The following NBEAL2 variants were observed in gnomAD, a reference collection of about 807,000 sequenced individuals.
NBEAL2 encodes the protein neurobeachin like 2.
A neutral mutation model predicts 299.8 loss-of-function variants in NBEAL2; 160 were observed. The ratio of observed to expected loss-of-function variants is 0.53; its 90% confidence interval spans 0.47 to 0.61. NBEAL2 has a LOEUF of 0.61. NBEAL2 is among the 20% of genes least tolerant of loss of function. The pLI is 0.00. For missense variants in NBEAL2, 3,112 were observed against 3,649.0 expected (o/e 0.85, Z 3.79); for synonymous variants, 1,493 against 1,542.3 (o/e 0.97, Z 0.75).
chr3:46,981,426 G>A (rs939260284), intron 1 of NBEAL2, among the ~76,000 whole-genome samples: 2 of 152,134 alleles, frequency 1.3e-5, no homozygotes, highest in South Asian at 4.2e-4. Context: ...TGGTGACAGA[G>A]TGAGACTCCG....
At position 47,004,437 on chromosome 3, in the gene NBEAL2, T is replaced by C; in HGVS notation, c.6198+44T>C. 6.3e-7 allele frequency: 1 copy of C among 1,596,946 alleles called. No individual in the cohort carries two copies. Among genetic ancestry groups the C allele is most frequent in the South Asian group, 1.1e-5 (1 of 89,000 alleles). On this transcript the variant is annotated intron_variant, in intron 37 of 53. Coordinates refer to ENST00000450053, the MANE Select transcript of NBEAL2 (RefSeq NM_015175.3). This position sits in a 1 kb window ranked among gnomAD's most constrained non-coding sequence, Gnocchi z 5.0. ...AGGGATGTGAAGTCGGGACCCTGAA[T>C]CACGGGGCAGTGCTGGACAGCCCAC...
chr3:46,989,481 G>T lies in NBEAL2; in HGVS notation c.474-30G>T. On this transcript the variant is annotated intron_variant, in intron 5 of 53. Transcript: ENST00000450053. The surrounding 1 kb of genome is among the most constrained non-coding windows in gnomAD (Gnocchi z 5.5). ...TGACGGCCAGGAGTGGTGAGAGCCG[G>T]GCTGATGTACTTGGCCTCACTGCCC... 1 of 1,573,974 alleles carries T rather than the reference G, an allele frequency of 6.4e-7. No homozygotes were observed.
chr3:46,998,624 G>A, intron 22 of NBEAL2, 59 bp downstream of exon 22: 1 of 1,572,456 alleles, frequency 6.4e-7, no homozygotes. Context: ...TCCGGCCTTG[G>A]GGACTGGGCG....
At position 47,006,419 on chromosome 3, in the gene NBEAL2, C is replaced by T. The variant is rs778226306; in HGVS notation, c.7104C>T (p.His2368=). ...CTAACTCACCTAGCATCTTCCAGCA[C>T]CTGGACGAACTCAAGGCATTCTTCG... ...LDTNSPSIFQ[H]LDELKAFFAE... The change falls in exon 45 of 54, where the codon CAC becomes CAT. Residue 2368 remains histidine, a synonymous_variant. Transcript: ENST00000450053. 6.3e-7 allele frequency: 1 copy of T among 1,590,980 alleles called. No homozygotes were observed. The highest frequency in any genetic ancestry group is 8.6e-7 in the Non-Finnish European group (1 of 1,168,610).
chr3:47,009,405 G>T lies in NBEAL2; in HGVS notation c.*85G>T. 1 of 1,315,908 alleles carries T rather than the reference G, an allele frequency of 7.6e-7. No homozygotes were observed. Among genetic ancestry groups the T allele is most frequent in the African/African-American group, 1.5e-5 (1 of 66,346 alleles). 81.5% of individuals were successfully genotyped at this position (1,315,908 alleles called of 1,614,324 possible). Reference sequence around the variant, plus strand: ...CCCAGAAGTCGGCGGGAACACCCCGGGGTGGGCAGCCCAGGGGGGTGAGCG... The same window carrying T: ...CCCAGAAGTCGGCGGGAACACCCCGTGGTGGGCAGCCCAGGGGGGTGAGCG... On this transcript the variant is annotated 3_prime_UTR_variant, in exon 54 of 54. Coordinates refer to ENST00000450053, the MANE Select transcript of NBEAL2 (RefSeq NM_015175.3).
At position 47,003,377 on chromosome 3, in the gene NBEAL2, C is replaced by G. The variant is rs1256698171; in HGVS notation, c.5720+68C>G. Reference sequence around the variant, plus strand: ...GGGGTCTGCTCCAGTGTGTGCATGCCTCTGTGGGATCAACTCCCTGAGTGT... The same window carrying G: ...GGGGTCTGCTCCAGTGTGTGCATGCGTCTGTGGGATCAACTCCCTGAGTGT... On this transcript the variant is annotated intron_variant, in intron 35 of 53. Coordinates refer to ENST00000450053, the MANE Select transcript of NBEAL2 (RefSeq NM_015175.3). The surrounding 1 kb of genome is among the most constrained non-coding windows in gnomAD (Gnocchi z 7.0). 12 of 1,557,688 alleles carry G rather than the reference C, an allele frequency of 7.7e-6. No homozygotes were observed. The Admixed American group carries it at 2.3e-4, about 29-fold the overall frequency.
At chr3:46,997,812 G>A in intron 20 of NBEAL2, 118 bp downstream of exon 20, 1 of 1,368,550 alleles carries the variant, frequency 7.3e-7, no homozygotes, top group Non-Finnish European at 9.6e-7. Flanking sequence ...TGCCACTTGA[G>A]TGGGGCCTGA....
rs188405767 is a variant in NBEAL2 at position 47,005,882 on chromosome 3, C to T, written c.6801+35C>T. On this transcript the variant is annotated intron_variant, in intron 42 of 53. Coordinates refer to ENST00000450053, the MANE Select transcript of NBEAL2 (RefSeq NM_015175.3). ...GAACCACAGGCAAACGGCAGGCAGC[C>T]GGGGTTCTGAAGATCATGGGGGGTC... 1.3e-4 allele frequency: 216 copies of T among 1,612,504 alleles called. 1 individual carries two copies. Among genetic ancestry groups the T allele is most frequent in the Admixed American group, 1.8e-4 (11 of 60,026 alleles).
Position 46,999,706 on chromosome 3 carries a change from C to A in NBEAL2, c.3780C>A (p.Ile1260=), listed in dbSNP as rs771042846. ...CTGACCTCAGCGTTCGCCTAGACAT[C>A]TGTCGCCAGGTGAGCATGAGAGGTA... The part of the protein sequence containing the change: ...LQADLSVRLD[I]CRQLFHLIYG... The change falls in exon 26 of 54, where the codon ATC becomes ATA. Residue 1260 remains isoleucine (I), a synonymous_variant. Transcript: ENST00000450053. 1.2e-6 allele frequency: 2 copies of A among 1,613,344 alleles called. No individual in the cohort carries two copies. The highest frequency in any genetic ancestry group is 1.7e-6 in the Non-Finnish European group (2 of 1,179,730).
rs576279015 is a variant in NBEAL2 at position 46,987,890 on chromosome 3, C to G, written c.52-779C>G. On this transcript the variant is annotated intron_variant, in intron 1 of 53. Transcript: ENST00000450053. ...GGGGCCCAGGGTGCCCCGGCCCCCC[C>G]ACATCCCTGCGGTCTGCCGGGAGGA... is the stretch of plus-strand genomic sequence containing the variant. 38 of 637,904 alleles carry G rather than the reference C, an allele frequency of 6.0e-5. No individual in the cohort carries two copies. In the Admixed American group the frequency reaches 6.3e-4, roughly 11 times the overall value. The allele number at this position is 637,904 out of a possible 1,614,324, so 39.5% of individuals were successfully genotyped here.
At position 46,999,096 on chromosome 3, in the gene NBEAL2, GCTGCCCGATCGAGT is replaced by G; in HGVS notation, c.3527_3540del (p.Pro1176GlnfsTer10). 6.3e-7 allele frequency: 1 copy of G among 1,585,586 alleles called. No homozygotes were observed. The highest frequency in any genetic ancestry group is 8.6e-7 in the Non-Finnish European group (1 of 1,166,454). Reference sequence around the variant, plus strand: ...TAGTGCGGCCAGGGTCACTGCCCCTGCTGCCCGATCGAGTCTGCAAGGTACACCCAGCCCACCCC... The same window carrying G: ...TAGTGCGGCCAGGGTCACTGCCCCTGCTGCAAGGTACACCCAGCCCACCCC... On this transcript the variant is annotated frameshift_variant, in exon 24 of 54. Coordinates refer to ENST00000450053, the MANE Select transcript of NBEAL2 (RefSeq NM_015175.3). LOFTEE classifies it high-confidence loss of function.
At position 46,999,907 on chromosome 3, in the gene NBEAL2, G is replaced by A. The variant is rs374613242; in HGVS notation, c.3808G>A (p.Gly1270Arg). Residue 1270 changes from glycine to arginine, a missense_variant, in exon 27 of 54, where the codon GGA becomes AGA. Physicochemically the swap from Gly to Arg is moderately radical, Grantham distance 125. This residue lies in a region of NBEAL2 where 2,243 missense variants were observed against 2,538.1 expected (regional missense o/e 0.88). Coordinates refer to ENST00000450053, the MANE Select transcript of NBEAL2 (RefSeq NM_015175.3). ...CCTGCAGCTTTTCCACCTCATCTACGGACAGCCAGATGTAGTGCGGCTTCT... is the reference window on the plus strand; with the variant it reads ...CCTGCAGCTTTTCCACCTCATCTACAGACAGCCAGATGTAGTGCGGCTTCT... Reference protein sequence around the residue: ...ICRQLFHLIYGQPDVVRLLAR... With the variant: ...ICRQLFHLIYRQPDVVRLLAR... 25 of 1,606,038 alleles carry A rather than the reference G, an allele frequency of 1.6e-5. No homozygotes were observed. The highest frequency in any genetic ancestry group is 2.2e-5 in the East Asian group (1 of 44,668).
At position 46,991,558 on chromosome 3, in the gene NBEAL2, C is replaced by T. The variant is rs756525483; in HGVS notation, c.795C>T (p.Arg265=). 32 of 1,604,744 alleles carry T rather than the reference C, an allele frequency of 2.0e-5. No individual in the cohort carries two copies. The highest frequency in any genetic ancestry group is 2.3e-5 in the Non-Finnish European group (27 of 1,179,850). Residue 265 remains arginine, a synonymous_variant, in exon 8 of 54, where the codon CGC becomes CGT. Coordinates refer to ENST00000450053, the MANE Select transcript of NBEAL2 (RefSeq NM_015175.3). The surrounding 1 kb of genome is among the most constrained non-coding windows in gnomAD (Gnocchi z 6.2). ...CAGTCCATGTCTTGCATGCCAGCCG[C>T]GCACCTCCTCGTGGCCCAGAGCTTC... The part of the protein sequence containing the change: ...VGAVHVLHAS[R]APPRGPELRA...
rs539435014 is a variant in NBEAL2 at position 47,001,610 on chromosome 3, C to G, written c.4645-79C>G. ...CACAAACCCTACCTGGCCCCCAGCG[C>G]AAACTTTACTTTGCTCCCTTTCCAT... On this transcript the variant is annotated intron_variant, in intron 29 of 53. Transcript: ENST00000450053. This position sits in a 1 kb window ranked among gnomAD's most constrained non-coding sequence, Gnocchi z 6.1. 6.3e-7 allele frequency: 1 copy of G among 1,588,434 alleles called. No individual in the cohort carries two copies. The highest frequency in any genetic ancestry group is 1.3e-5 in the African/African-American group (1 of 74,636).
chr3:47,008,424 G>A lies in NBEAL2; in HGVS notation c.7861G>A (p.Glu2621Lys). Residue 2621 changes from glutamate to lysine, a missense_variant, in exon 51 of 54, where the codon GAA becomes AAA. Physicochemically the swap from Glu to Lys is moderately conservative, Grantham distance 56. Coordinates refer to ENST00000450053, the MANE Select transcript of NBEAL2 (RefSeq NM_015175.3). ...GATTGTGGTACAGAGCTCAGCGTGG[G>A]AACGTCCTGGGGCCCAGGTATGGGG... The part of the protein sequence containing the change: ...GQIVVQSSAW[E>K]RPGAQVTYSL... 6.2e-7 allele frequency: 1 copy of A among 1,613,142 alleles called. No homozygotes were observed. The highest frequency in any genetic ancestry group is 2.2e-5 in the East Asian group (1 of 44,866).
chr3:46,989,310 G>A lies in NBEAL2; in HGVS notation c.402G>A (p.Val134=), dbSNP rs375491925. ...PQGRGTQLEN[V]ALHALLLCEG... is the part of the protein sequence containing the mutation. ...GCCGAGGCACGCAGTTGGAGAATGT[G>A]GCCCTACATGCTCTGCTTCTCTGCG... Residue 134 remains valine (V), a synonymous_variant, in exon 5 of 54, where the codon GTG becomes GTA. Transcript: ENST00000450053. This position sits in a 1 kb window ranked among gnomAD's most constrained non-coding sequence, Gnocchi z 5.5. 20 of 1,604,194 alleles carry A rather than the reference G, an allele frequency of 1.2e-5. No homozygotes were observed. In the African/African-American group the frequency reaches 2.5e-4, roughly 20 times the overall value.
Position 46,992,000 on chromosome 3 carries a change from C to T in NBEAL2, c.1032+54C>T. The T allele has an allele frequency of 1.4e-6, 2 of 1,445,796 alleles. No individual in the cohort carries two copies. The highest frequency in any genetic ancestry group is 1.8e-4 in the Middle Eastern group (1 of 5,452). The allele number at this position is 1,445,796 out of a possible 1,614,324, so 89.6% of individuals were successfully genotyped here. A position where few individuals can be genotyped will look rare whatever the true frequency, so the allele number is the denominator to read the frequency against. ...GTCTGGAAGCCAGAGGCTAGGGGAG[C>T]CACGCATAGGTGCCAGGCTGCTGCT... On this transcript the variant is annotated intron_variant, in intron 9 of 53. Coordinates refer to ENST00000450053, the MANE Select transcript of NBEAL2 (RefSeq NM_015175.3). This position sits in a 1 kb window ranked among gnomAD's most constrained non-coding sequence, Gnocchi z 6.2.
intron 24 of NBEAL2, 30 bp from the exon 25 acceptor site, chr3:46,999,285 G>A: frequency 6.3e-7 from 1 of 1,581,902 alleles, no homozygotes; most frequent in South Asian, 1.1e-5. Flanking sequence ...CCTTCCACAT[G>A]ATGACAGTCC....
Position 47,004,626 on chromosome 3 carries a change from C to T in NBEAL2, c.6294+36C>T. 6.3e-7 allele frequency: 1 copy of T among 1,591,524 alleles called. No homozygotes were observed. The highest frequency in any genetic ancestry group is 8.6e-7 in the Non-Finnish European group (1 of 1,160,298). On this transcript the variant is annotated intron_variant, in intron 38 of 53. Transcript: ENST00000450053. The surrounding 1 kb of genome is among the most constrained non-coding windows in gnomAD (Gnocchi z 5.0). ...CACTCTGCACCCCTCCACCCCTGCC[C>T]CTCTGACCTGTCAGCCCTTGGTTCC...
Sources: gnomAD v4.1 joint callset for allele counts (sites outside exome capture counted in the v4.1 genomes callset) on GRCh38, gnomAD v4.1.1 for gene constraint, gnomAD v4.1.1 regional missense constraint, Gnocchi (gnomAD v3.1) non-coding constraint, MANE v1.5 for transcripts, NCBI Gene and HGNC (gene_info 2026-07-23, HGNC 2026-07-21) for gene names.